The following ZNHIT6 variants were observed in gnomAD, a reference collection of about 807,000 sequenced individuals.
ZNHIT6 encodes box C/D snoRNA protein 1.
A neutral mutation model predicts 57.2 loss-of-function variants in ZNHIT6; 45 were observed. The observed-to-expected ratio is 0.79, with a 90% CI of 0.62 to 1.01. The LOEUF (loss-of-function observed/expected upper bound fraction) is 1.01. Ranked by LOEUF, ZNHIT6 falls within the 50% of genes least tolerant of loss-of-function variation. The pLI is 0.00. For missense variants in ZNHIT6, 528 were observed against 567.3 expected (o/e 0.93, Z 0.70); for synonymous variants, 188 against 190.0 (o/e 0.99, Z 0.09).
At chr1:85,690,597 A>T (rs1662188731) in intron 5 of ZNHIT6, among the ~76,000 whole-genome samples, 1 of 152,062 alleles carries the variant, frequency 6.6e-6, no homozygotes, top group African/African-American at 2.4e-5. Flanking sequence ...TAACTATACT[A>T]TGTTTTAAGA....
Position 85,653,872 on chromosome 1 carries a change from G to A in ZNHIT6, c.*186C>T. Reference sequence around the variant, plus strand: ...GGAGAGTTCTTAATATGAATAAATGGGTCTTACAAGTCAATTAATTCAAGA... The same window carrying A: ...GGAGAGTTCTTAATATGAATAAATGAGTCTTACAAGTCAATTAATTCAAGA... On this transcript the variant is annotated 3_prime_UTR_variant, in exon 10 of 10. Coordinates refer to ENST00000370574, the MANE Select transcript of ZNHIT6 (RefSeq NM_017953.4). 1.8e-6 allele frequency: 1 copy of A among 571,370 alleles called. No individual in the cohort carries two copies. The highest frequency in any genetic ancestry group is 2.4e-5 in the South Asian group (1 of 41,504). 35.4% of individuals were successfully genotyped at this position (571,370 alleles called of 1,614,324 possible). A position where few individuals can be genotyped will look rare whatever the true frequency, so the allele number is the denominator to read the frequency against.
At chr1:85,662,027 A>G (rs1217571687) in intron 8 of ZNHIT6, among the ~76,000 whole-genome samples, 1 of 152,162 alleles carries the variant, frequency 6.6e-6, no homozygotes, top group African/African-American at 2.4e-5. Context: ...ACAGTGACAT[A>G]TATAAATAAA....
chr1:85,681,592 T>A (rs1013182809), intron 5 of ZNHIT6, among the ~76,000 whole-genome samples: 1 of 152,210 alleles, frequency 6.6e-6, no homozygotes, highest in Non-Finnish European at 1.5e-5. Flanking sequence ...ATGTTTTCCT[T>A]ACTTAGAAGA....
chr1:85,672,163 G>A (rs549253619), intron 8 of ZNHIT6, among the ~76,000 whole-genome samples: 46 of 152,160 alleles, frequency 3.0e-4, no homozygotes, highest in Non-Finnish European at 5.3e-4. Flanking sequence ...AACTCAACAT[G>A]CTCTTAGCCT....
At chr1:85,693,154 T>C (rs552406591) in intron 5 of ZNHIT6, among the ~76,000 whole-genome samples, 28 of 152,236 alleles carry the variant, frequency 1.8e-4, no homozygotes, top group African/African-American at 6.5e-4. Flanking sequence ...CCAATATCAT[T>C]TGGAGACAAA....
intron 5 of ZNHIT6, among the ~76,000 whole-genome samples, chr1:85,691,781 G>A (rs1352394097): frequency 6.6e-6 from 1 of 152,086 alleles, no homozygotes; most frequent in Admixed American, 6.6e-5. Flanking sequence ...AGCTCCCTGA[G>A]AGGCGGACGC....
Position 85,657,057 on chromosome 1 carries a change from C to G in ZNHIT6, c.1372+790G>C, listed in dbSNP as rs141760983. 3.2e-3 allele frequency among the ~76,000 whole-genome samples: 487 copies of G among 152,198 alleles called. 2 individuals are homozygous for G. Among genetic ancestry groups the G allele is most frequent in the African/African-American group, 0.011 (465 of 41,530 alleles). ...TCTGTAATTCTTTTCGTTGAAAGTG[C>G]TATGTAATAGTTTTGGATTAAGGTG... On this transcript the variant is annotated intron_variant, in intron 9 of 9. Transcript: ENST00000370574.
In ZNHIT6 at chr1:85,707,661, C is replaced by T. The variant is rs780688654; in HGVS notation, c.624G>A (p.Pro208=). The change falls in exon 1 of 10, where the codon CCG becomes CCA. Residue 208 remains proline (P), a synonymous_variant. Coordinates refer to ENST00000370574, the MANE Select transcript of ZNHIT6 (RefSeq NM_017953.4). ...TGGCCAGTTTCCGCTTGCAGCCCAC[C>T]GGGTGATTTATCGGAGGCTCTTCTT... The part of the protein sequence containing the change: ...KVKEEPPINH[P]VGCKRKLAMS... 1.3e-6 allele frequency: 2 copies of T among 1,560,860 alleles called. No individual in the cohort carries two copies. The highest frequency in any genetic ancestry group is 2.2e-5 in the East Asian group (1 of 44,638).
intron 8 of ZNHIT6, among the ~76,000 whole-genome samples, chr1:85,666,636 T>G (rs1230646703): frequency 2.0e-5 from 3 of 152,174 alleles, no homozygotes; most frequent in Non-Finnish European, 4.4e-5. Context: ...GCCAACTAGC[T>G]GAGCTTCAGC....
intron 5 of ZNHIT6, among the ~76,000 whole-genome samples, chr1:85,692,533 T>C (rs984134782): frequency 6.6e-6 from 1 of 152,180 alleles, no homozygotes; most frequent in Non-Finnish European, 1.5e-5. Context: ...CACAGAGCTG[T>C]CAATCAGTTG....
chr1:85,697,763 A>G (rs56276114), intron 5 of ZNHIT6, among the ~76,000 whole-genome samples: 3,295 of 152,314 alleles, frequency 0.022, 123 homozygotes, highest in African/African-American at 0.075. Context: ...TATTCTGACT[A>G]GGATTGCATC....
chr1:85,660,495 CAA>C (rs1661195322), intron 8 of ZNHIT6, among the ~76,000 whole-genome samples: 1 of 152,000 alleles, frequency 6.6e-6, no homozygotes, highest in African/African-American at 2.4e-5. Flanking sequence ...CAAGAAGCAA[CAA>C]AAAGAGTTCT....
Position 85,678,800 on chromosome 1 carries a change from A to G in ZNHIT6, c.1089-19T>C, listed in dbSNP as rs1382276519. On this transcript the variant is annotated intron_variant, in intron 6 of 9. Transcript: ENST00000370574. ...TGGTACTCTTTACAACAAAGAAAAA[A>G]AAACAAGCTATATTAGTATTTATAA... 7.5e-7 allele frequency: 1 copy of G among 1,329,920 alleles called. No individual in the cohort carries two copies. Among genetic ancestry groups the G allele is most frequent in the Non-Finnish European group, 1.0e-6 (1 of 968,106 alleles). 82.4% of individuals were successfully genotyped at this position (1,329,920 alleles called of 1,614,324 possible). A position where few individuals can be genotyped will look rare whatever the true frequency, so the allele number is the denominator to read the frequency against.
In ZNHIT6 at chr1:85,707,711, CT is replaced by C; in HGVS notation, c.573del (p.Glu192LysfsTer8). 6.2e-7 allele frequency: 1 copy of C among 1,610,874 alleles called. No individual in the cohort carries two copies. Among genetic ancestry groups the C allele is most frequent in the Non-Finnish European group, 8.5e-7 (1 of 1,178,850 alleles). ...CVKEEKDFLK[K>X]EIVDDTKVKE... Reference sequence around the variant, plus strand: ...TTCACCTTTGTATCATCCACGATTTCTTTCTTCAGGAAATCCTTCTCTTCTT... The same window carrying C: ...TTCACCTTTGTATCATCCACGATTTCTTCTTCAGGAAATCCTTCTCTTCTT... On this transcript the variant is annotated frameshift_variant, in exon 1 of 10. Transcript: ENST00000370574. LOFTEE classifies it high-confidence loss of function.
intron 8 of ZNHIT6, among the ~76,000 whole-genome samples, 185 bp downstream of exon 8, chr1:85,677,051 C>T (rs1162359204): frequency 6.6e-6 from 1 of 152,054 alleles, no homozygotes; most frequent in Non-Finnish European, 1.5e-5. Flanking sequence ...ATATTCTAAC[C>T]AGGGTGATTT....
At chr1:85,705,971 C>A in intron 4 of ZNHIT6, 107 bp downstream of exon 4, 1 of 908,778 alleles carries the variant, frequency 1.1e-6, no homozygotes. Flanking sequence ...ATCAGAATAG[C>A]TCTACATCAT....
At chr1:85,700,815 C>A (rs1662510236) in intron 5 of ZNHIT6, among the ~76,000 whole-genome samples, 1 of 151,526 alleles carries the variant, frequency 6.6e-6, no homozygotes, top group Non-Finnish European at 1.5e-5. Context: ...CATTACTTTA[C>A]TTTTTTTTTG....
rs187791310 is a variant in ZNHIT6 at position 85,699,821 on chromosome 1, C to T, written c.1019+2336G>A. On this transcript the variant is annotated intron_variant, in intron 5 of 9. Coordinates refer to ENST00000370574, the MANE Select transcript of ZNHIT6 (RefSeq NM_017953.4). Reference sequence around the variant, plus strand: ...AAAAACAAGACATAAAATAAATGTTCATGAATATCGGAATAATTAAATGAA... The same window carrying T: ...AAAAACAAGACATAAAATAAATGTTTATGAATATCGGAATAATTAAATGAA... Among the ~76,000 whole-genome samples the T allele has an allele frequency of 1.5e-3, 228 of 152,114 alleles. 8 individuals carry two copies. The highest frequency in any genetic ancestry group is 0.015 in the Admixed American group (226 of 15,268).
chr1:85,698,087 A>G lies in ZNHIT6; in HGVS notation c.1019+4070T>C, dbSNP rs748320173. 6.6e-5 allele frequency among the ~76,000 whole-genome samples: 10 copies of G among 152,150 alleles called. No individual in the cohort carries two copies. The South Asian group carries it at 1.0e-3, about 16-fold the overall frequency. ...TCTCTATTTTTAACAGAGAATGTCA[A>G]CCTTGCTTGGGCTCAACTTACATAA... On this transcript the variant is annotated intron_variant, in intron 5 of 9. Transcript: ENST00000370574.
Sources: gnomAD v4.1 joint callset for allele counts (sites outside exome capture counted in the v4.1 genomes callset) on GRCh38, gnomAD v4.1.1 for gene constraint, MANE v1.5 for transcripts, NCBI Gene and HGNC (gene_info 2026-07-23, HGNC 2026-07-21) for gene names.